DPP6: variants seen among roughly 807,000 people sequenced by gnomAD.
The protein encoded by DPP6 is A-type potassium channel modulatory protein DPP6.
A neutral mutation model predicts 122.6 loss-of-function variants in DPP6; 69 were observed. That is an observed-to-expected ratio of 0.56 (90% confidence interval 0.46 to 0.69). The LOEUF is 0.69. Among genes scored for constraint, DPP6 ranks in the 30% least tolerant of loss-of-function variants. The probability of loss-of-function intolerance (pLI) is 0.00; values close to 1 mark genes in which losing one functional copy is unlikely to be tolerated. For synonymous variants in DPP6, 418 were observed against 433.1 expected (o/e 0.97, Z 0.43); for missense variants, 928 against 1,116.9 (o/e 0.83, Z 2.41).
chr7:154,031,410 T>G (rs1463599563), intron 1 of DPP6, among the ~76,000 whole-genome samples: 3 of 151,420 alleles, frequency 2.0e-5, no homozygotes, highest in African/African-American at 7.3e-5. Flanking sequence ...ATTATTTTTA[T>G]TAAAGTCTCA....
At position 154,833,638 on chromosome 7, in the gene DPP6, G is replaced by A. The variant is rs1389333921; in HGVS notation, c.1667-20142G>A. 3.3e-5 allele frequency among the ~76,000 whole-genome samples: 5 copies of A among 152,198 alleles called. No homozygotes were observed. The highest frequency in any genetic ancestry group is 2.0e-4 in the Admixed American group (3 of 15,290). On this transcript the variant is annotated intron_variant, in intron 16 of 25. Transcript: ENST00000377770. The surrounding 1 kb of genome is among the most constrained non-coding windows in gnomAD (Gnocchi z 4.3). ...TCTGACTCCGTATCTCAGAGGTGGG[G>A]GGCTCTGGTCATTTGCACCAATTTC...
the DPP6 span, among the ~76,000 whole-genome samples, chr7:153,791,424 C>CTTTTTTTTTTTTTTTTTTTTTTTTTTTTT: frequency 4.4e-5 from 4 of 91,630 alleles, no homozygotes; most frequent in Admixed American, 1.5e-4. Flanking sequence ...TCCTTCCTTT[C>CTTTTTTTTTTTTTTTTTTTTTTTTTTTTT]TTTTTTTTTT....
chr7:154,807,737 G>A, intron 16 of DPP6, among the ~76,000 whole-genome samples: 1 of 152,100 alleles, frequency 6.6e-6, no homozygotes, highest in East Asian at 1.9e-4. Flanking sequence ...CAGAAGAATT[G>A]CTTGAACCCA....
At chr7:154,856,039 G>A (rs1490172655) in intron 17 of DPP6, among the ~76,000 whole-genome samples, 5 of 152,084 alleles carry the variant, frequency 3.3e-5, no homozygotes, top group Non-Finnish European at 4.4e-5. Context: ...CTGAAGACCC[G>A]GAAGTGGAGA....
intron 7 of DPP6, among the ~76,000 whole-genome samples, chr7:154,692,135 C>A (rs1186741095): frequency 6.6e-6 from 1 of 152,174 alleles, no homozygotes; most frequent in Admixed American, 6.5e-5. Context: ...ATGTTAGTTC[C>A]CTCCCTGATG....
At chr7:153,767,892 G>A in the DPP6 span, among the ~76,000 whole-genome samples, 7 of 152,144 alleles carry the variant, frequency 4.6e-5, no homozygotes, top group Non-Finnish European at 5.9e-5. Context: ...ATGTGTCCCC[G>A]TGGCAGGTGG....
intron 1 of DPP6, among the ~76,000 whole-genome samples, chr7:154,365,280 A>T (rs1812057495): frequency 6.6e-6 from 1 of 152,260 alleles, no homozygotes. Context: ...AGAAAAGTAG[A>T]AATTAGACAA....
chr7:154,819,719 G>A (rs1022453022), intron 16 of DPP6, among the ~76,000 whole-genome samples: 2 of 152,126 alleles, frequency 1.3e-5, no homozygotes, highest in African/African-American at 4.8e-5. Flanking sequence ...CAATGCCACT[G>A]GGCCACTAGG....
chr7:154,734,966 C>T (rs1468707885), intron 8 of DPP6, among the ~76,000 whole-genome samples: 2 of 152,178 alleles, frequency 1.3e-5, no homozygotes, highest in Admixed American at 1.3e-4. Context: ...TATTGCTTTA[C>T]CTTGTAATTT....
chr7:154,762,835 C>T (rs763246291), intron 8 of DPP6, among the ~76,000 whole-genome samples: 1 of 152,186 alleles, frequency 6.6e-6, no homozygotes, highest in Non-Finnish European at 1.5e-5. Context: ...TCTGGGATAC[C>T]GAGTTCCTAA....
intron 1 of DPP6, among the ~76,000 whole-genome samples, chr7:154,188,469 G>A (rs1189933256): frequency 6.6e-6 from 1 of 152,044 alleles, no homozygotes; most frequent in Admixed American, 6.6e-5. Context: ...ACAATCTAGT[G>A]GGGGTGAGAG....
chr7:154,332,691 C>G (rs541416407), intron 1 of DPP6, among the ~76,000 whole-genome samples: 3 of 152,322 alleles, frequency 2.0e-5, no homozygotes, highest in Admixed American at 1.3e-4. Context: ...GTTCATGGAT[C>G]TAGGTTTATA....
chr7:154,803,842 A>G, intron 13 of DPP6, 22 bp from the exon 14 acceptor site: 1 of 1,609,656 alleles, frequency 6.2e-7, no homozygotes, highest in Non-Finnish European at 8.5e-7. Flanking sequence ...TCTGCTCCTG[A>G]TGCCATGTCT....
Position 154,624,227 on chromosome 7 carries a change from C to G in DPP6, c.628-13594C>G, listed in dbSNP as rs1478062996. ...CCTATAAATCCAGCTACTTGGGAGG[C>G]TGAGGCAGAGAATTGCTTGAACCCG... On this transcript the variant is annotated intron_variant, in intron 5 of 25. Transcript: ENST00000377770. This position sits in a 1 kb window ranked among gnomAD's most constrained non-coding sequence, Gnocchi z 4.7. Among the ~76,000 whole-genome samples, 1 of 151,756 alleles carries G rather than the reference C, an allele frequency of 6.6e-6. No individual in the cohort carries two copies. The highest frequency in any genetic ancestry group is 1.5e-5 in the Non-Finnish European group (1 of 67,970).
intron 1 of DPP6, among the ~76,000 whole-genome samples, chr7:154,031,644 C>T (rs1400186226): frequency 6.6e-6 from 1 of 151,966 alleles, no homozygotes; most frequent in Non-Finnish European, 1.5e-5. Flanking sequence ...AGCAACAGAG[C>T]TGGTCAGTCT....
chr7:154,683,900 G>C (rs562533471), intron 7 of DPP6, among the ~76,000 whole-genome samples: 1 of 152,230 alleles, frequency 6.6e-6, no homozygotes, highest in African/African-American at 2.4e-5. Flanking sequence ...ACCATGTCTA[G>C]CTCTATCACC....
intron 1 of DPP6, among the ~76,000 whole-genome samples, chr7:154,309,784 G>A (rs940503575): frequency 2.6e-5 from 4 of 152,190 alleles, no homozygotes; most frequent in South Asian, 2.1e-4. Context: ...AACTATTGAG[G>A]AGTCCCAATA....
At chr7:153,904,448 G>C (rs568976855) in intron 1 of DPP6, among the ~76,000 whole-genome samples, 1 of 152,140 alleles carries the variant, frequency 6.6e-6, no homozygotes, top group African/African-American at 2.4e-5. Flanking sequence ...CCAGGACAAC[G>C]GGAGAGGGTA....
chr7:154,597,789 G>C (rs10263616), intron 5 of DPP6, among the ~76,000 whole-genome samples: 20,703 of 151,994 alleles, frequency 0.14, 2,167 homozygotes, highest in African/African-American at 0.3. Context: ...CTGGCTCCAG[G>C]CCTCCTTCCT....
Sources: gnomAD v4.1 joint callset for allele counts (sites outside exome capture counted in the v4.1 genomes callset) on GRCh38, gnomAD v4.1.1 for gene constraint, Gnocchi (gnomAD v3.1) non-coding constraint, MANE v1.5 for transcripts, NCBI Gene and HGNC (gene_info 2026-07-23, HGNC 2026-07-21) for gene names.